SNRPF: variants seen among roughly 807,000 people sequenced by gnomAD.
SNRPF encodes the protein small nuclear ribonucleoprotein F.
A neutral mutation model predicts 13.4 loss-of-function variants in SNRPF; 1 was observed. The ratio of observed to expected loss-of-function variants is 0.07; its 90% CI spans 0.03 to 0.35. The LOEUF is 0.35. SNRPF is among the 10% of genes least tolerant of loss of function. The pLI is 0.99. For missense variants in SNRPF, 53 were observed against 101.0 expected (o/e 0.52, Z 2.04); for synonymous variants, 27 against 32.1 (o/e 0.84, Z 0.54).
chr12:95,859,161 C>T, intron 1 of SNRPF, 85 bp downstream of exon 1: 4 of 1,234,466 alleles, frequency 3.2e-6, no homozygotes, highest in Admixed American at 1.9e-5. Flanking sequence ...TTCCTTCGCG[C>T]GTTTCCCATT....
At chr12:95,861,999 A>G (rs1330919935) in intron 2 of SNRPF, among the ~76,000 whole-genome samples, 1 of 152,248 alleles carries the variant, frequency 6.6e-6, no homozygotes, top group Non-Finnish European at 1.5e-5. Flanking sequence ...CAATAATTTT[A>G]CAATTAAACA....
chr12:95,865,100 C>A, intron 2 of SNRPF: 1 of 336,264 alleles, frequency 3.0e-6, no homozygotes, highest in Non-Finnish European at 5.4e-6. Context: ...GATTCAGAAA[C>A]TTATGTTGAA....
intron 2 of SNRPF, among the ~76,000 whole-genome samples, chr12:95,862,750 A>G (rs2079502059): frequency 6.6e-6 from 1 of 152,048 alleles, no homozygotes. Flanking sequence ...CACAGCAGCT[A>G]CGTGGTTTTA....
intron 3 of SNRPF, 142 bp from the exon 4 acceptor site, chr12:95,865,863 A>T (rs894391578): frequency 6.0e-5 from 22 of 368,548 alleles, no homozygotes; most frequent in African/African-American, 4.0e-4. Flanking sequence ...ACTTTTTTTT[A>T]AAATGAATAT....
intron 1 of SNRPF, among the ~76,000 whole-genome samples, chr12:95,860,357 T>A (rs894822216): frequency 5.3e-5 from 8 of 152,210 alleles, no homozygotes; most frequent in Admixed American, 1.3e-4. Flanking sequence ...TGGAACAGCA[T>A]TTTTTCCCGC....
intron 1 of SNRPF, among the ~76,000 whole-genome samples, chr12:95,859,716 T>C (rs2079485664): frequency 6.6e-6 from 1 of 152,126 alleles, no homozygotes; most frequent in Admixed American, 6.5e-5. Context: ...TTGGAGAAAT[T>C]GACAGAAAGG....
chr12:95,865,258 A>C, intron 2 of SNRPF, 66 bp from the exon 3 acceptor site: 2 of 761,938 alleles, frequency 2.6e-6, no homozygotes, highest in Non-Finnish European at 2.3e-6. Context: ...TCTCTCACCA[A>C]TATTAGCTGT....
chr12:95,864,214 A>G (rs1169660554), intron 2 of SNRPF, among the ~76,000 whole-genome samples: 5 of 152,148 alleles, frequency 3.3e-5, no homozygotes, highest in South Asian at 2.1e-4. Flanking sequence ...TTCATGCCTT[A>G]TGAAACATCC....
intron 1 of SNRPF, 50 bp from the exon 2 acceptor site, chr12:95,861,118 G>A: frequency 1.9e-6 from 3 of 1,554,384 alleles, no homozygotes; most frequent in Non-Finnish European, 2.6e-6. Context: ...AAGAGAGTTG[G>A]TGGTGGGAGG....
chr12:95,865,025 A>G, intron 2 of SNRPF: 1 of 201,162 alleles, frequency 5.0e-6, no homozygotes, highest in Admixed American at 5.8e-5. Flanking sequence ...AATATGAGTT[A>G]GAGACTGCCT....
intron 2 of SNRPF, 66 bp from the exon 3 acceptor site, chr12:95,865,258 A>G (rs747035780): frequency 1.3e-5 from 10 of 761,822 alleles, no homozygotes; most frequent in African/African-American, 5.2e-5. Context: ...TCTCTCACCA[A>G]TATTAGCTGT....
At chr12:95,865,619 T>C (rs977146012) in intron 3 of SNRPF, among the ~76,000 whole-genome samples, 3 of 152,228 alleles carry the variant, frequency 2.0e-5, no homozygotes, top group Admixed American at 1.3e-4. Flanking sequence ...TTTAATTTTC[T>C]AGCTCTTAGC....
At chr12:95,863,792 G>A (rs1378038653) in intron 2 of SNRPF, among the ~76,000 whole-genome samples, 2 of 152,208 alleles carry the variant, frequency 1.3e-5, no homozygotes, top group Non-Finnish European at 2.9e-5. Flanking sequence ...TTGAGTATCT[G>A]GGGAAAAGCA....
rs770032879 is a variant in SNRPF at position 95,866,072 on chromosome 12, C to A, written c.*1C>A. ...AGAAGATGGGGAAATGAGAGAATAG[C>A]ATCTTTTGTGGGGGATTTTTTTTAT... On this transcript the variant is annotated 3_prime_UTR_variant, in exon 4 of 4. Coordinates refer to ENST00000266735, the MANE Select transcript of SNRPF (RefSeq NM_003095.5). 2 of 1,448,820 alleles carry A rather than the reference C, an allele frequency of 1.4e-6. No individual in the cohort carries two copies. Among genetic ancestry groups the A allele is most frequent in the South Asian group, 2.4e-5 (2 of 82,128 alleles). The allele number at this position is 1,448,820 out of a possible 1,614,324, so 89.7% of individuals were successfully genotyped here.
chr12:95,861,532 C>A, intron 2 of SNRPF: 3 of 315,108 alleles, frequency 9.5e-6, no homozygotes, highest in East Asian at 1.0e-4. Flanking sequence ...AGAGCTCAGA[C>A]ACTTGATTCA....
rs2079500335 is a variant in SNRPF at position 95,862,420 on chromosome 12, A to AT, written c.129+1133dup. 2.6e-5 allele frequency among the ~76,000 whole-genome samples: 4 copies of AT among 152,198 alleles called. No homozygotes were observed. In the South Asian group the frequency reaches 8.3e-4, roughly 32 times the overall value. ...TGGATTACTGGTAATTCTATGTTTA[A>AT]TTTTTTAAGGAGGCCAAGCGTGGTG... On this transcript the variant is annotated intron_variant, in intron 2 of 3. Transcript: ENST00000266735.
chr12:95,865,433 T>C (rs374376005), intron 3 of SNRPF, 45 bp downstream of exon 3: 1 of 875,314 alleles, frequency 1.1e-6, no homozygotes, highest in Non-Finnish European at 1.9e-6. Flanking sequence ...TGGTGAGCAT[T>C]AGGAATACCT....
chr12:95,862,747 G>C (rs1402426656), intron 2 of SNRPF, among the ~76,000 whole-genome samples: 1 of 151,964 alleles, frequency 6.6e-6, no homozygotes, highest in Non-Finnish European at 1.5e-5. Flanking sequence ...TTCCACAGCA[G>C]CTACGTGGTT....
intron 2 of SNRPF, among the ~76,000 whole-genome samples, chr12:95,863,941 A>C (rs1036665937): frequency 6.6e-6 from 1 of 152,228 alleles, no homozygotes; most frequent in African/African-American, 2.4e-5. Flanking sequence ...GCGGCCATAG[A>C]GAGCCTGTTA....
Sources: allele counts gnomAD v4.1 joint callset (sites outside exome capture counted in the v4.1 genomes callset), GRCh38; gene constraint gnomAD v4.1.1; transcripts MANE v1.5; gene names NCBI Gene and HGNC (gene_info 2026-07-23, HGNC 2026-07-21).